Variants in TULP4 observed in about 807,000 individuals in gnomAD.
TULP4 encodes tubby-related protein 4.
TULP4 carries 16 observed loss-of-function variants against 129.0 expected under a neutral mutation model. The ratio of observed to expected loss-of-function variants is 0.12; its 90% CI spans 0.08 to 0.19. TULP4 has a LOEUF of 0.19. Among genes scored for constraint, TULP4 ranks in the 10% least tolerant of loss-of-function variants. The pLI is 1.00. For synonymous variants in TULP4, 998 were observed against 854.0 expected (o/e 1.17, Z -2.94); for missense variants, 1,842 against 2,059.1 (o/e 0.89, Z 2.04).
chr6:158,505,541 GC>G (rs1780580831), intron 13 of TULP4, among the ~76,000 whole-genome samples: 1 of 152,254 alleles, frequency 6.6e-6, no homozygotes, highest in African/African-American at 2.4e-5. Flanking sequence ...AAGTGCGTCA[GC>G]CCCTGCTATA....
intron 1 of TULP4, among the ~76,000 whole-genome samples, chr6:158,385,842 C>CTTTTTT (rs778595442): frequency 0.031 from 1,858 of 59,484 alleles, 349 homozygotes; most frequent in African/African-American, 0.1. Flanking sequence ...TGTGGAATAT[C>CTTTTTT]TTTTTTTTTT....
At chr6:158,422,794 A>G (rs1204974715) in intron 2 of TULP4, among the ~76,000 whole-genome samples, 1 of 152,214 alleles carries the variant, frequency 6.6e-6, no homozygotes, top group African/African-American at 2.4e-5. Context: ...AGCCTGCGGA[A>G]AACGCTGGCC....
At chr6:158,442,702 G>A (rs1778926725) in intron 3 of TULP4, among the ~76,000 whole-genome samples, 1 of 152,008 alleles carries the variant, frequency 6.6e-6, no homozygotes, top group African/African-American at 2.4e-5. Context: ...AATACTAAAT[G>A]TTCCACAGGA....
At chr6:158,349,344 A>G (rs1354588999) in intron 1 of TULP4, among the ~76,000 whole-genome samples, 158 of 64,156 alleles carry the variant, frequency 2.5e-3, no homozygotes, top group Middle Eastern at 0.015. Flanking sequence ...GGGCAGAGGC[A>G]CTCCTCACCT....
At chr6:158,237,261 T>A in intron 1 of TULP4, 1 of 1,041,270 alleles carries the variant, frequency 9.6e-7, no homozygotes, top group Non-Finnish European at 1.5e-6. Flanking sequence ...CTGTGCTTCT[T>A]GCTGTATTAC....
intron 1 of TULP4, among the ~76,000 whole-genome samples, chr6:158,353,337 TA>T (rs35394202): frequency 0.17 from 26,333 of 152,232 alleles, 2,712 homozygotes; most frequent in Middle Eastern, 0.26. Context: ...ATTAGGGTTT[TA>T]AAATTTTCTT....
intron 1 of TULP4, among the ~76,000 whole-genome samples, chr6:158,307,292 A>G (rs948356814): frequency 1.3e-5 from 2 of 152,230 alleles, no homozygotes; most frequent in African/African-American, 2.4e-5. Flanking sequence ...ACACACATAT[A>G]TAATTGGAAA....
At chr6:158,270,311 G>C (rs1778524410) in intron 1 of TULP4, among the ~76,000 whole-genome samples, 1 of 152,068 alleles carries the variant, frequency 6.6e-6, no homozygotes, top group Admixed American at 6.6e-5. Context: ...CCCTACCTTG[G>C]CTTTATCCTG....
chr6:158,432,239 T>C (rs1036636206), intron 3 of TULP4, among the ~76,000 whole-genome samples: 1 of 151,808 alleles, frequency 6.6e-6, no homozygotes, highest in African/African-American at 2.4e-5. Flanking sequence ...GGAATACTCC[T>C]CCTCCTGTCT....
chr6:158,351,901 T>C (rs1422087781), intron 1 of TULP4, among the ~76,000 whole-genome samples: 3 of 151,776 alleles, frequency 2.0e-5, no homozygotes, highest in African/African-American at 7.3e-5. Flanking sequence ...TTTGTATTTT[T>C]AGTAGAGACA....
intron 5 of TULP4, among the ~76,000 whole-genome samples, chr6:158,454,521 A>C (rs1044208483): frequency 6.6e-6 from 1 of 151,676 alleles, no homozygotes; most frequent in African/African-American, 2.4e-5. Context: ...TTACGGGGGA[A>C]TTTTTCCAGT....
chr6:158,466,866 TG>T (rs35513011), intron 6 of TULP4, among the ~76,000 whole-genome samples: 63,495 of 152,026 alleles, frequency 0.42, 14,555 homozygotes, highest in African/African-American at 0.62. Flanking sequence ...CTGCTCTTTG[TG>T]GGTATTTTTC....
intron 1 of TULP4, among the ~76,000 whole-genome samples, chr6:158,392,765 C>A (rs1777612505): frequency 7.0e-6 from 1 of 142,026 alleles, no homozygotes; most frequent in African/African-American, 2.7e-5. Context: ...CCTACACTGC[C>A]ACTGTACCTA....
intron 1 of TULP4, among the ~76,000 whole-genome samples, chr6:158,345,292 G>A (rs559418676): frequency 5.9e-5 from 9 of 152,162 alleles, no homozygotes; most frequent in African/African-American, 1.4e-4. Context: ...GGGACCACAG[G>A]TGCATGCCAC....
intron 1 of TULP4, among the ~76,000 whole-genome samples, chr6:158,355,977 G>A (rs1780639915): frequency 6.6e-6 from 1 of 152,210 alleles, no homozygotes; most frequent in African/African-American, 2.4e-5. Context: ...TGGGGCCACT[G>A]AGTGGTAGAG....
chr6:158,453,338 G>T (rs1328049272), intron 5 of TULP4, among the ~76,000 whole-genome samples: 1 of 151,620 alleles, frequency 6.6e-6, no homozygotes, highest in Non-Finnish European at 1.5e-5. Context: ...CAAAAAATTA[G>T]CCGGGCGTGG....
At chr6:158,314,416 C>A in intron 1 of TULP4, 148 bp downstream of exon 1, 4 of 649,876 alleles carry the variant, frequency 6.2e-6, no homozygotes, top group Non-Finnish European at 9.3e-6. Context: ...TATTCTCTGG[C>A]AGAAAAGATG....
At position 158,481,303 on chromosome 6, in the gene TULP4, C is replaced by G. The variant is rs764826728; in HGVS notation, c.1486+14C>G. The G allele has an allele frequency of 1.2e-6, 2 of 1,606,210 alleles. No individual in the cohort carries two copies. The highest frequency in any genetic ancestry group is 1.7e-6 in the Non-Finnish European group (2 of 1,176,016). ...ATAGCAAACCAGGTGGGCCCCTCAC[C>G]CGAGGGACTGGGACCTTGTTCTCCT... On this transcript the variant is annotated intron_variant, in intron 8 of 13. Coordinates refer to ENST00000367097, the MANE Select transcript of TULP4 (RefSeq NM_020245.5).
chr6:158,491,448 T>TTTTTTTGAGGAGTCTCGC (rs1562589201), intron 9 of TULP4, among the ~76,000 whole-genome samples: 3 of 59,816 alleles, frequency 5.0e-5, no homozygotes, highest in Non-Finnish European at 9.4e-5. Flanking sequence ...TTTCTTTTCT[T>TTTTTTTGAGGAGTCTCGC]TCTTTCTTTT....
Sources: gnomAD v4.1 joint callset for allele counts (sites outside exome capture counted in the v4.1 genomes callset) on GRCh38, gnomAD v4.1.1 for gene constraint, MANE v1.5 for transcripts, NCBI Gene and HGNC (gene_info 2026-07-23, HGNC 2026-07-21) for gene names.